The following CALN1 variants were observed in gnomAD, a reference collection of about 807,000 sequenced individuals.
CALN1 encodes the protein calneuron 1.
A neutral mutation model predicts 30.6 loss-of-function variants in CALN1; 17 were observed. That is an observed-to-expected ratio of 0.56 (90% CI 0.38 to 0.83). The LOEUF is 0.83. Among genes scored for constraint, CALN1 ranks in the 40% least tolerant of loss-of-function variants. The pLI, the probability that CALN1 is intolerant of heterozygous loss-of-function variation, is 0.00. For synonymous variants in CALN1, 156 were observed against 131.4 expected, an observed-to-expected ratio of 1.19 and a Z score of -1.28; for missense variants, 291 against 354.9, an observed-to-expected ratio of 0.82 and a Z score of 1.45.
Position 72,423,915 on chromosome 7 carries a change from CAGAA to C in CALN1, c.-225-11644_-225-11641del, listed in dbSNP as rs561981678. Among the ~76,000 whole-genome samples, 941 of 102,054 alleles carry C rather than the reference CAGAA, an allele frequency of 9.2e-3. 11 individuals carry two copies. The highest frequency in any genetic ancestry group is 0.031 in the African/African-American group (841 of 26,764). The allele number at this position is 102,054 out of a possible 152,430, so 67.0% of individuals were successfully genotyped here. A position where few individuals can be genotyped will look rare whatever the true frequency, so the allele number is the denominator to read the frequency against. On this transcript the variant is annotated intron_variant, in intron 1 of 6. Coordinates refer to the CALN1 transcript ENST00000395276. ...GAAGGAAGGAAGGGAGGGAGGGAGACAGAAAGAGAAAAAGAAAGAAGAGAAAGAA... is the reference window on the plus strand; with the variant it reads ...GAAGGAAGGAAGGGAGGGAGGGAGACAGAGAAAAAGAAAGAAGAGAAAGAA...
chr7:72,095,616 C>T (rs1397229330), intron 4 of CALN1, among the ~76,000 whole-genome samples: 1 of 152,134 alleles, frequency 6.6e-6, no homozygotes, highest in Non-Finnish European at 1.5e-5. Flanking sequence ...GGGCTTCACT[C>T]CCTAGAGAGA....
chr7:72,211,565 G>C (rs540373321), intron 3 of CALN1, among the ~76,000 whole-genome samples: 1 of 152,170 alleles, frequency 6.6e-6, no homozygotes, highest in Non-Finnish European at 1.5e-5. Flanking sequence ...GAAACGACTC[G>C]ATAGGTCTGT....
intron 3 of CALN1, among the ~76,000 whole-genome samples, chr7:72,220,834 A>C (rs1010180041): frequency 3.3e-5 from 5 of 152,186 alleles, no homozygotes; most frequent in African/African-American, 4.8e-5. Flanking sequence ...GGCTGCATAA[A>C]TGTCTTCTTC....
At chr7:72,292,001 CAA>C (rs1181994522) in intron 2 of CALN1, among the ~76,000 whole-genome samples, 10 of 125,682 alleles carry the variant, frequency 8.0e-5, no homozygotes, top group Non-Finnish European at 8.7e-5. Flanking sequence ...TACTCCATCT[CAA>C]AAAAAAAAAA....
At chr7:72,434,363 C>A (rs12532728) in intron 1 of CALN1, among the ~76,000 whole-genome samples, 1,784 of 135,250 alleles carry the variant, frequency 0.013, 20 homozygotes, top group African/African-American at 0.034. Context: ...AAAAAAAAAA[C>A]AAAAAAAAAA....
chr7:71,803,050 A>T (rs900866105), intron 6 of CALN1, among the ~76,000 whole-genome samples: 1 of 152,160 alleles, frequency 6.6e-6, no homozygotes, highest in Non-Finnish European at 1.5e-5. Context: ...AAGAAAAAAA[A>T]GTATAGCAAG....
chr7:72,311,083 C>G (rs1226370040), intron 2 of CALN1, among the ~76,000 whole-genome samples: 1 of 152,052 alleles, frequency 6.6e-6, no homozygotes, highest in East Asian at 1.9e-4. Flanking sequence ...CCTCTTCCGA[C>G]TCTGCCACCC....
intron 5 of CALN1, among the ~76,000 whole-genome samples, chr7:71,909,132 T>G (rs1261220362): frequency 6.6e-6 from 1 of 152,146 alleles, no homozygotes; most frequent in Non-Finnish European, 1.5e-5. Flanking sequence ...TCTTCCCACC[T>G]CAGCCTCCTG....
chr7:71,923,193 G>A (rs749452140), intron 5 of CALN1, among the ~76,000 whole-genome samples: 23 of 152,126 alleles, frequency 1.5e-4, no homozygotes, highest in Non-Finnish European at 3.2e-4. Flanking sequence ...TTTACACCAC[G>A]CAATGTAGAG....
intron 5 of CALN1, among the ~76,000 whole-genome samples, chr7:71,889,079 C>T (rs1299717473): frequency 6.6e-6 from 1 of 152,178 alleles, no homozygotes; most frequent in Non-Finnish European, 1.5e-5. Flanking sequence ...CACCCCAGTG[C>T]CCAGGACCCA....
intron 5 of CALN1, among the ~76,000 whole-genome samples, chr7:71,922,837 A>T (rs969001200): frequency 5.1e-5 from 7 of 136,400 alleles, no homozygotes; most frequent in Admixed American, 4.6e-4. Flanking sequence ...ATATATATAA[A>T]TATATAATAT....
At position 72,205,551 on chromosome 7, in the gene CALN1, A is replaced by AAAAT; in HGVS notation, c.244+73134_244+73135insATTT. 5.4e-4 allele frequency among the ~76,000 whole-genome samples: 45 copies of AAAAT among 83,046 alleles called. 1 individual carries two copies. Among genetic ancestry groups the AAAAT allele is most frequent in the African/African-American group, 3.0e-3 (40 of 13,446 alleles). 54.5% of individuals were successfully genotyped at this position (83,046 alleles called of 152,430 possible). ...ATTTTTCTCCTGATTGCAAAAAAAA[A>AAAAT]ATATATATATATATATGTATATATA... On this transcript the variant is annotated intron_variant, in intron 3 of 6. Coordinates refer to ENST00000395275, the MANE Select transcript of CALN1 (RefSeq NM_031468.4).
intron 5 of CALN1, among the ~76,000 whole-genome samples, chr7:72,023,026 C>T (rs751330089): frequency 4.6e-5 from 7 of 151,314 alleles, no homozygotes; most frequent in African/African-American, 1.2e-4. Flanking sequence ...AGACAACTTA[C>T]GTGATTCAAA....
At chr7:72,276,049 G>A (rs370921391) in intron 3 of CALN1, among the ~76,000 whole-genome samples, 4 of 152,158 alleles carry the variant, frequency 2.6e-5, no homozygotes, top group South Asian at 2.1e-4. Flanking sequence ...AAGGAGGAAG[G>A]GGGGAGAATA....
chr7:72,069,767 T>A (rs1031646556), intron 4 of CALN1, among the ~76,000 whole-genome samples: 2 of 152,200 alleles, frequency 1.3e-5, no homozygotes, highest in South Asian at 4.1e-4. Context: ...GGAGGCCATT[T>A]TTCAGCCTAC....
At chr7:72,247,031 G>C (rs1795213756) in intron 3 of CALN1, among the ~76,000 whole-genome samples, 1 of 151,922 alleles carries the variant, frequency 6.6e-6, no homozygotes, top group Non-Finnish European at 1.5e-5. Flanking sequence ...TGGGATTACA[G>C]GCAAGAGCCA....
At chr7:71,951,120 G>T (rs1261090231) in intron 5 of CALN1, among the ~76,000 whole-genome samples, 1 of 152,156 alleles carries the variant, frequency 6.6e-6, no homozygotes. Context: ...ACACATAGTA[G>T]GCTCTTAGTA....
At chr7:72,139,074 G>A (rs111361968) in intron 3 of CALN1, among the ~76,000 whole-genome samples, 1,847 of 152,246 alleles carry the variant, frequency 0.012, 31 homozygotes, top group African/African-American at 0.04. Flanking sequence ...AAGACATCAC[G>A]TCTAATCACG....
At chr7:72,216,113 T>C (rs1792790708) in intron 3 of CALN1, among the ~76,000 whole-genome samples, 2 of 152,120 alleles carry the variant, frequency 1.3e-5, no homozygotes, top group African/African-American at 4.8e-5. Context: ...AACAAACTTG[T>C]TGACCTTAAA....
Sources: gnomAD v4.1 joint callset for allele counts (sites outside exome capture counted in the v4.1 genomes callset) on GRCh38, gnomAD v4.1.1 for gene constraint, MANE v1.5 for transcripts, NCBI Gene and HGNC (gene_info 2026-07-23, HGNC 2026-07-21) for gene names.